The following CSMD3 variants were observed in gnomAD, a reference collection of about 807,000 sequenced individuals.
CSMD3 encodes CUB and Sushi multiple domains 3, also known as CUB and sushi domain-containing protein 3.
A neutral mutation model predicts 435.2 loss-of-function variants in CSMD3; 177 were observed. The observed-to-expected ratio is 0.41, with a 90% CI of 0.36 to 0.46. The LOEUF is 0.46. Among genes scored for constraint, CSMD3 ranks in the 20% least tolerant of loss-of-function variants. CSMD3 has a pLI of 0.34. For synonymous variants in CSMD3, 1,656 were observed against 1,520.5 expected (o/e 1.09, Z -2.07); for missense variants, 4,265 against 4,504.6 (o/e 0.95, Z 1.52).
At chr8:112,315,146 G>A (rs1176555251) in intron 47 of CSMD3, among the ~76,000 whole-genome samples, 1 of 151,184 alleles carries the variant, frequency 6.6e-6, no homozygotes, top group East Asian at 1.9e-4. Flanking sequence ...ACAGTTCTGA[G>A]TCACCAGTTG....
Position 112,281,294 on chromosome 8 carries a change from C to T in CSMD3, c.9388G>A (p.Gly3130Ser), listed in dbSNP as rs1428906513. 12 of 1,613,446 alleles carry T rather than the reference C, an allele frequency of 7.4e-6. No homozygotes were observed. The highest frequency in any genetic ancestry group is 1.0e-5 in the Non-Finnish European group (12 of 1,179,590). The change falls in exon 59 of 71, where the codon GGC becomes AGC. Residue 3130 changes from glycine to serine, a missense_variant. Around this residue, in one of 3 missense-constraint regions of CSMD3, gnomAD observed 3,255 missense variants for 3,380.2 expected, o/e 0.96. Transcript: ENST00000297405. ...TANGKVFRIDGTTFSSSVIYS... is the reference protein window; with the variant it reads ...TANGKVFRIDSTTFSSSVIYS... Reference sequence around the variant, plus strand: ...ATGACTGAACTAGAAAATGTTGTGCCATCAATTCGGAAGACTTTCCCATTG... The same window carrying T: ...ATGACTGAACTAGAAAATGTTGTGCTATCAATTCGGAAGACTTTCCCATTG...
chr8:112,706,272 T>C (rs1255877430), intron 13 of CSMD3, among the ~76,000 whole-genome samples: 1 of 152,100 alleles, frequency 6.6e-6, no homozygotes, highest in African/African-American at 2.4e-5. Context: ...AATTGTACTA[T>C]GTCCTAAATG....
At chr8:113,141,588 TATA>T (rs2091549906) in intron 4 of CSMD3, among the ~76,000 whole-genome samples, 1 of 150,980 alleles carries the variant, frequency 6.6e-6, no homozygotes, top group Admixed American at 6.6e-5. Flanking sequence ...ATTTTATACC[TATA>T]ATAATATCAG....
At chr8:113,023,962 T>A (rs1238815873) in intron 5 of CSMD3, among the ~76,000 whole-genome samples, 2 of 152,150 alleles carry the variant, frequency 1.3e-5, no homozygotes, top group Non-Finnish European at 2.9e-5. Context: ...TTTTGAGATA[T>A]AAAATATCTT....
chr8:112,763,879 T>C (rs988650843), intron 13 of CSMD3, among the ~76,000 whole-genome samples: 18 of 151,284 alleles, frequency 1.2e-4, no homozygotes, highest in Non-Finnish European at 1.6e-4. Flanking sequence ...TAGCAACACA[T>C]GAAATTCTTT....
intron 14 of CSMD3, among the ~76,000 whole-genome samples, chr8:112,687,784 A>C (rs559478313): frequency 6.6e-6 from 1 of 152,268 alleles, no homozygotes; most frequent in African/African-American, 2.4e-5. Context: ...ATTTGAAATC[A>C]CATTGAAAAA....
intron 5 of CSMD3, among the ~76,000 whole-genome samples, chr8:113,061,215 A>G (rs1308377891): frequency 6.6e-6 from 1 of 152,130 alleles, no homozygotes; most frequent in Non-Finnish European, 1.5e-5. Flanking sequence ...AATTGCATGC[A>G]CATCACTCTT....
chr8:112,980,891 C>G (rs1418430386), intron 6 of CSMD3, among the ~76,000 whole-genome samples: 1 of 151,408 alleles, frequency 6.6e-6, no homozygotes, highest in East Asian at 1.9e-4. Context: ...TGGGTGCAAA[C>G]TATGAATATG....
At chr8:112,529,063 C>T (rs542273757) in intron 27 of CSMD3, among the ~76,000 whole-genome samples, 1 of 152,192 alleles carries the variant, frequency 6.6e-6, no homozygotes, top group South Asian at 2.1e-4. Context: ...GCAACAACAG[C>T]AACCACAAAA....
At chr8:113,009,749 CTGAG>C (rs916807779) in intron 6 of CSMD3, among the ~76,000 whole-genome samples, 3 of 151,776 alleles carry the variant, frequency 2.0e-5, no homozygotes, top group African/African-American at 7.2e-5. Flanking sequence ...CAAACATGCA[CTGAG>C]TATTATGAAA....
chr8:112,372,751 A>C (rs1272830527), intron 38 of CSMD3, among the ~76,000 whole-genome samples: 1 of 151,858 alleles, frequency 6.6e-6, no homozygotes, highest in East Asian at 1.9e-4. Context: ...CAGGAGGCTG[A>C]GGCAGGAGAA....
chr8:112,967,473 GAAGCTT>G, intron 7 of CSMD3, among the ~76,000 whole-genome samples: 1 of 151,934 alleles, frequency 6.6e-6, no homozygotes, highest in African/African-American at 2.4e-5. Flanking sequence ...AAGTTAAACT[GAAGCTT>G]TTTTTAACTA....
Position 112,550,662 on chromosome 8 carries a change from A to G in CSMD3, c.4564+9T>C. On this transcript the variant is annotated intron_variant, in intron 27 of 70. Coordinates refer to ENST00000297405, the MANE Select transcript of CSMD3 (RefSeq NM_198123.2). ...TTTTGCATTGAAGAAATTTTTTGAA[A>G]AAACTTACTTGAAAACTGAATTGCA... 1 of 1,550,790 alleles carries G rather than the reference A, an allele frequency of 6.4e-7. No individual in the cohort carries two copies. The highest frequency in any genetic ancestry group is 1.1e-5 in the South Asian group (1 of 89,670).
intron 66 of CSMD3, among the ~76,000 whole-genome samples, chr8:112,239,133 TTC>T (rs1813868787): frequency 6.6e-6 from 1 of 152,070 alleles, no homozygotes; most frequent in South Asian, 2.1e-4. Flanking sequence ...ATCTAGTTGT[TTC>T]TGTCTCTCCC....
chr8:113,318,800 G>GTT (rs1199806186), intron 1 of CSMD3, among the ~76,000 whole-genome samples: 2 of 151,264 alleles, frequency 1.3e-5, no homozygotes, highest in Non-Finnish European at 3.0e-5. Context: ...GTGTGTGTGT[G>GTT]TGTGTGTGTG....
At chr8:112,999,813 T>C (rs919250158) in intron 6 of CSMD3, among the ~76,000 whole-genome samples, 2 of 151,500 alleles carry the variant, frequency 1.3e-5, no homozygotes, top group Non-Finnish European at 2.9e-5. Context: ...ACATTTGTCC[T>C]GAATAAATGA....
intron 70 of CSMD3, among the ~76,000 whole-genome samples, 191 bp from the exon 71 acceptor site, chr8:112,225,121 A>C (rs1812451814): frequency 6.6e-6 from 1 of 152,198 alleles, no homozygotes. Flanking sequence ...TTAATTTTAC[A>C]TATATTACAT....
In CSMD3 at chr8:112,588,686, G is replaced by A. The variant is rs368952095; in HGVS notation, c.3716-1451C>T. ...GATTTTGTTTTCCTAAAATTAAATC[G>A]CCTTTGGCAATGTGGATCAGGTAAC... On this transcript the variant is annotated intron_variant, in intron 22 of 70. Transcript: ENST00000297405. Among the ~76,000 whole-genome samples the A allele has an allele frequency of 1.5e-4, 23 of 151,936 alleles. 1 individual carries two copies. Among genetic ancestry groups the A allele is most frequent in the African/African-American group, 3.9e-4 (16 of 41,378 alleles).
At chr8:113,230,501 G>A (rs2093073675) in intron 3 of CSMD3, among the ~76,000 whole-genome samples, 1 of 151,492 alleles carries the variant, frequency 6.6e-6, no homozygotes, top group Admixed American at 6.6e-5. Flanking sequence ...TACATACTTA[G>A]AGCCCAATGT....
Sources: allele counts gnomAD v4.1 joint callset (sites outside exome capture counted in the v4.1 genomes callset), GRCh38; gene constraint gnomAD v4.1.1; regional missense constraint gnomAD v4.1.1; transcripts MANE v1.5; gene names NCBI Gene and HGNC (gene_info 2026-07-23, HGNC 2026-07-21).